The following TIGAR variants were observed in gnomAD, a reference collection of about 807,000 sequenced individuals.
TIGAR encodes the protein TP53 induced glycolysis regulatory phosphatase.
Under a neutral mutation model 17.9 loss-of-function variants are expected in TIGAR, and 7 were observed. The ratio of observed to expected loss-of-function variants is 0.39; its 90% confidence interval spans 0.22 to 0.73. The LOEUF (loss-of-function observed/expected upper bound fraction) is 0.73, where lower values mean the gene tolerates loss of function less well. Among genes scored for constraint, TIGAR ranks in the 30% least tolerant of loss-of-function variants. The pLI, the probability that TIGAR is intolerant of heterozygous loss-of-function variation, is 0.42. For synonymous variants in TIGAR, 94 were observed against 108.6 expected, an observed-to-expected ratio of 0.87 and a Z score of 0.84; for missense variants, 258 against 327.4, an observed-to-expected ratio of 0.79 and a Z score of 1.64.
At chr12:4,347,309 T>A (rs1864791516) in intron 3 of TIGAR, among the ~76,000 whole-genome samples, 1 of 152,044 alleles carries the variant, frequency 6.6e-6, no homozygotes, top group Admixed American at 6.6e-5. Context: ...AAAGACAAAC[T>A]TGTCATGTTC....
At chr12:4,341,635 G>C (rs531732525) in intron 3 of TIGAR, among the ~76,000 whole-genome samples, 1 of 152,312 alleles carries the variant, frequency 6.6e-6, no homozygotes, top group Non-Finnish European at 1.5e-5. Context: ...ACAGGGTCTG[G>C]AGTGGACCTC....
Position 4,321,319 on chromosome 12 carries a change from G to C in TIGAR, c.32+16G>C. 1 of 1,600,842 alleles carries C rather than the reference G, an allele frequency of 6.2e-7. No homozygotes were observed. The highest frequency in any genetic ancestry group is 8.5e-7 in the Non-Finnish European group (1 of 1,179,744). Reference sequence around the variant, plus strand: ...TTGTCCGGCAGTGAGTATGGCTGTGGCAGGATGTCTTTCTCTCTCTCTTCC... The same window carrying C: ...TTGTCCGGCAGTGAGTATGGCTGTGCCAGGATGTCTTTCTCTCTCTCTTCC... On this transcript the variant is annotated intron_variant, in intron 1 of 5. Coordinates refer to ENST00000179259, the MANE Select transcript of TIGAR (RefSeq NM_020375.3). This position sits in a 1 kb window ranked among gnomAD's most constrained non-coding sequence, Gnocchi z 5.2.
chr12:4,329,571 T>G (rs1864583251), intron 1 of TIGAR, among the ~76,000 whole-genome samples: 1 of 151,862 alleles, frequency 6.6e-6, no homozygotes. Context: ...ACTCCTGACA[T>G]CGTGATCTAC....
At chr12:4,323,748 G>A (rs188736494) in intron 1 of TIGAR, among the ~76,000 whole-genome samples, 1 of 152,198 alleles carries the variant, frequency 6.6e-6, no homozygotes, top group African/African-American at 2.4e-5. Flanking sequence ...ATATAATTGT[G>A]TGGAGTTATG....
chr12:4,333,562 G>A (rs1247905172), intron 2 of TIGAR, among the ~76,000 whole-genome samples: 1 of 152,072 alleles, frequency 6.6e-6, no homozygotes, highest in African/African-American at 2.4e-5. Context: ...TCCACCTCCC[G>A]GGTTCAAGCG....
chr12:4,354,029 G>A lies in TIGAR; in HGVS notation c.*1338G>A, dbSNP rs900995018. On this transcript the variant is annotated 3_prime_UTR_variant, in exon 6 of 6. Transcript: ENST00000179259. ...TTTCAGAAATCTTTATCTAAATGAA[G>A]AAACTGTTCTACATGTAGTTCGCTT... 9 of 152,540 alleles carry A rather than the reference G, an allele frequency of 5.9e-5. No individual in the cohort carries two copies. Among genetic ancestry groups the A allele is most frequent in the Admixed American group, 2.6e-4 (4 of 15,272 alleles). 9.4% of individuals were successfully genotyped at this position (152,540 alleles called of 1,614,324 possible).
intron 3 of TIGAR, among the ~76,000 whole-genome samples, chr12:4,349,546 T>G (rs911277276): frequency 5.9e-5 from 9 of 151,874 alleles, no homozygotes; most frequent in African/African-American, 2.2e-4. Flanking sequence ...GCCTCCCGAG[T>G]AGCTGGAACT....
rs368032380 is a variant in TIGAR at position 4,352,383 on chromosome 12, A to G, written c.505A>G (p.Ile169Val). 1 of 1,614,194 alleles carries G rather than the reference A, an allele frequency of 6.2e-7. No homozygotes were observed. Among genetic ancestry groups the G allele is most frequent in the Non-Finnish European group, 8.5e-7 (1 of 1,180,030 alleles). The change falls in exon 6 of 6, where the codon ATA becomes GTA. Residue 169 changes from isoleucine (I) to valine (V), a missense_variant. Transcript: ENST00000179259. ...CTGTCTGGAAACTTCTTTGGCAGAG[A>G]TATTTCCTTTAGGAAAAAATCACAG... is the stretch of plus-strand genomic sequence containing the variant. ...SNCLETSLAE[I>V]FPLGKNHSSK...
chr12:4,351,205 A>G (rs1864834353), intron 4 of TIGAR, 62 bp from the exon 5 acceptor site: 10 of 1,501,834 alleles, frequency 6.7e-6, no homozygotes, highest in Non-Finnish European at 8.3e-6. Context: ...TGCCATAAAC[A>G]TAAACTTAAT....
Position 4,321,787 on chromosome 12 carries a change from A to G in TIGAR, c.32+484A>G, listed in dbSNP as rs1864480905. On this transcript the variant is annotated intron_variant, in intron 1 of 5. Transcript: ENST00000179259. This position sits in a 1 kb window ranked among gnomAD's most constrained non-coding sequence, Gnocchi z 5.2. ...CAGGCAGTCAGCCCCCCAGGCACAT[A>G]TATGAGACTTCTTTCTTTTCCCCAG... Among the ~76,000 whole-genome samples, 1 of 152,116 alleles carries G rather than the reference A, an allele frequency of 6.6e-6. No individual in the cohort carries two copies. The highest frequency in any genetic ancestry group is 6.5e-5 in the Admixed American group (1 of 15,276).
intron 1 of TIGAR, among the ~76,000 whole-genome samples, chr12:4,330,190 T>C (rs1470305003): frequency 6.6e-6 from 1 of 152,306 alleles, no homozygotes; most frequent in Middle Eastern, 3.4e-3. Flanking sequence ...AAATCAGTCC[T>C]ATGTGACATT....
intron 2 of TIGAR, among the ~76,000 whole-genome samples, chr12:4,335,970 T>G (rs1277698433): frequency 1.3e-5 from 2 of 152,266 alleles, no homozygotes; most frequent in African/African-American, 2.4e-5. Flanking sequence ...TGATGCTTAC[T>G]GTTACTTGCT....
intron 2 of TIGAR, among the ~76,000 whole-genome samples, chr12:4,333,991 C>T (rs1864632432): frequency 6.6e-6 from 1 of 151,638 alleles, no homozygotes; most frequent in African/African-American, 2.4e-5. Context: ...TTTTTTTTCC[C>T]CTTCTTTTTA....
At chr12:4,324,944 T>TTC (rs1045633008) in intron 1 of TIGAR, 4 of 226,998 alleles carry the variant, frequency 1.8e-5, no homozygotes, top group Non-Finnish European at 3.4e-5. Context: ...TGTTTTTGCT[T>TTC]TTTTTTTTTT....
intron 2 of TIGAR, among the ~76,000 whole-genome samples, chr12:4,334,184 C>T (rs915894966): frequency 1.3e-5 from 2 of 152,166 alleles, no homozygotes; most frequent in Admixed American, 1.3e-4. Context: ...AACAGAGTAT[C>T]ATGGACCCAG....
At chr12:4,344,734 C>G (rs1010715761) in intron 3 of TIGAR, among the ~76,000 whole-genome samples, 7 of 152,166 alleles carry the variant, frequency 4.6e-5, no homozygotes, top group African/African-American at 1.4e-4. Context: ...CTCACCACTC[C>G]TATTCAACAT....
rs1481178156 is a variant in TIGAR at position 4,354,564 on chromosome 12, A to G, written c.*1873A>G. 6.6e-6 allele frequency: 1 copy of G among 152,046 alleles called. No individual in the cohort carries two copies. The highest frequency in any genetic ancestry group is 1.9e-4 in the East Asian group (1 of 5,192). The allele number at this position is 152,046 out of a possible 1,614,324, so 9.4% of individuals were successfully genotyped here. A position where few individuals can be genotyped will look rare whatever the true frequency, so the allele number is the denominator to read the frequency against. ...TACTGTTTTGGTGCTTTAAAAATAA[A>G]TATCAAGCCATCTGTGTTCTTTATT... On this transcript the variant is annotated 3_prime_UTR_variant, in exon 6 of 6. Transcript: ENST00000179259.
intron 3 of TIGAR, among the ~76,000 whole-genome samples, chr12:4,344,194 G>T (rs1490647067): frequency 1.3e-5 from 2 of 152,152 alleles, no homozygotes; most frequent in Non-Finnish European, 2.9e-5. Context: ...TTGAATCTCT[G>T]ATTAGACCAG....
At chr12:4,327,728 C>A (rs115293971) in intron 1 of TIGAR, among the ~76,000 whole-genome samples, 1 of 152,070 alleles carries the variant, frequency 6.6e-6, no homozygotes, top group African/African-American at 2.4e-5. Context: ...TTTTTGAGGG[C>A]GCAATCTCGG....
Sources: gnomAD v4.1 joint callset for allele counts (sites outside exome capture counted in the v4.1 genomes callset) on GRCh38, gnomAD v4.1.1 for gene constraint, Gnocchi (gnomAD v3.1) non-coding constraint, MANE v1.5 for transcripts, NCBI Gene and HGNC (gene_info 2026-07-23, HGNC 2026-07-21) for gene names.